The following MYO1H variants were observed in gnomAD, a reference collection of about 807,000 sequenced individuals.
The protein encoded by MYO1H is unconventional myosin-Ih.
A neutral mutation model predicts 149.3 loss-of-function variants in MYO1H; 118 were observed. The ratio of observed to expected loss-of-function variants is 0.79; its 90% CI spans 0.68 to 0.92. The LOEUF is 0.92. Among genes scored for constraint, MYO1H ranks in the 40% least tolerant of loss-of-function variants. The pLI is 0.00. For synonymous variants in MYO1H, 447 were observed against 465.2 expected, an observed-to-expected ratio of 0.96 and a Z score of 0.50; for missense variants, 1,212 against 1,280.7, an observed-to-expected ratio of 0.95 and a Z score of 0.82.
chr12:109,371,213 C>CTTTTTTTT (rs34350111), intron 1 of MYO1H, among the ~76,000 whole-genome samples: 3 of 118,332 alleles, frequency 2.5e-5, no homozygotes, highest in Admixed American at 9.9e-5. Context: ...TTTTTTCTTT[C>CTTTTTTTT]TTTTTTTTTT....
chr12:109,359,247 A>C (rs1868687372), intron 1 of MYO1H: 1 of 152,074 alleles, frequency 6.6e-6, no homozygotes, highest in Admixed American at 6.6e-5. Flanking sequence ...ACCCTTCTTG[A>C]CGATATTCTT....
chr12:109,390,589 T>C (rs1258725204), intron 2 of MYO1H, among the ~76,000 whole-genome samples: 2 of 152,064 alleles, frequency 1.3e-5, no homozygotes, highest in African/African-American at 4.8e-5. Context: ...TCTAGGAATA[T>C]AAGTGCCAGT....
intron 16 of MYO1H, among the ~76,000 whole-genome samples, chr12:109,423,169 T>C (rs1348287859): frequency 6.6e-6 from 1 of 152,164 alleles, no homozygotes; most frequent in East Asian, 1.9e-4. Context: ...TATTTATTTA[T>C]TATTTTTGAG....
At chr12:109,445,513 T>C in exon 31 of MYO1H, 1 of 1,606,436 alleles carries the variant, frequency 6.2e-7, no homozygotes, top group Non-Finnish European at 8.5e-7. Context: ...GTATTTTAAG[T>C]TTACAGTTTT....
the MYO1H span, among the ~76,000 whole-genome samples, chr12:109,320,044 T>A: frequency 1.3e-5 from 2 of 151,184 alleles, no homozygotes; most frequent in African/African-American, 4.9e-5. Flanking sequence ...CCAGGCATAG[T>A]GGTTTATGCC....
chr12:109,368,953 G>A (rs1046205339), intron 1 of MYO1H, among the ~76,000 whole-genome samples: 4 of 151,928 alleles, frequency 2.6e-5, no homozygotes, highest in African/African-American at 4.8e-5. Flanking sequence ...GGTAATGGCC[G>A]GTAGCTGCAT....
chr12:109,333,348 A>G, the MYO1H span, among the ~76,000 whole-genome samples: 1 of 151,900 alleles, frequency 6.6e-6, no homozygotes, highest in Non-Finnish European at 1.5e-5. Context: ...TGTTACCTAG[A>G]GGCCTGAGGG....
intron 17 of MYO1H, among the ~76,000 whole-genome samples, 190 bp from the exon 18 acceptor site, chr12:109,425,756 G>T (rs1871329932): frequency 6.6e-6 from 1 of 152,164 alleles, no homozygotes; most frequent in Non-Finnish European, 1.5e-5. Context: ...ACCAGACCAA[G>T]ACTGGCCTTC....
chr12:109,409,070 C>T (rs991933366), intron 10 of MYO1H, among the ~76,000 whole-genome samples: 2 of 151,946 alleles, frequency 1.3e-5, no homozygotes, highest in Admixed American at 6.6e-5. Flanking sequence ...GGATTGCAGG[C>T]GTGAGCCACC....
chr12:109,432,955 G>A (rs760695122), exon 20 of MYO1H: 33 of 1,613,910 alleles, frequency 2.0e-5, no homozygotes, highest in South Asian at 1.2e-4. Flanking sequence ...AGCAGAGGGC[G>A]TGGAACGGCT....
At chr12:109,369,388 C>T (rs898091449) in intron 1 of MYO1H, among the ~76,000 whole-genome samples, 2 of 152,106 alleles carry the variant, frequency 1.3e-5, no homozygotes, top group African/African-American at 4.8e-5. Flanking sequence ...TGGATAAATA[C>T]AAAAACCAAA....
At chr12:109,375,146 T>A (rs1258969287) in intron 1 of MYO1H, among the ~76,000 whole-genome samples, 1 of 147,226 alleles carries the variant, frequency 6.8e-6, no homozygotes. Context: ...TAAGCCACCA[T>A]GCCCGGCGGA....
chr12:109,387,364 A>G (rs1009879786), intron 1 of MYO1H, among the ~76,000 whole-genome samples: 5 of 152,166 alleles, frequency 3.3e-5, no homozygotes, highest in Non-Finnish European at 5.9e-5. Context: ...ACACAGTCTT[A>G]TTCTAGCTTT....
chr12:109,318,981 T>TTTTTTTG, the MYO1H span, among the ~76,000 whole-genome samples: 689 of 49,664 alleles, frequency 0.014, 26 homozygotes, highest in African/African-American at 0.046. Context: ...TGTTTTTTTT[T>TTTTTTTG]TTTTTTTTTT....
intron 1 of MYO1H, among the ~76,000 whole-genome samples, chr12:109,382,703 A>C (rs992528619): frequency 6.6e-6 from 1 of 151,852 alleles, no homozygotes; most frequent in Non-Finnish European, 1.5e-5. Flanking sequence ...TTACCTCGAA[A>C]TAATCCAGTG....
exon 28 of MYO1H, chr12:109,443,633 G>A: frequency 1.2e-6 from 2 of 1,613,252 alleles, no homozygotes; most frequent in South Asian, 2.2e-5. Context: ...AGAAAATAGA[G>A]TACTCAGCTC....
chr12:109,368,078 G>A (rs1349557174), intron 1 of MYO1H, among the ~76,000 whole-genome samples: 4 of 152,158 alleles, frequency 2.6e-5, no homozygotes, highest in Non-Finnish European at 4.4e-5. Flanking sequence ...TCTTGACCTA[G>A]CAATTCCTCC....
intron 1 of MYO1H, among the ~76,000 whole-genome samples, chr12:109,379,007 G>A (rs1869145349): frequency 6.6e-6 from 1 of 152,170 alleles, no homozygotes; most frequent in Non-Finnish European, 1.5e-5. Context: ...ATTCCTTACT[G>A]TCCTTTGAAT....
intron 17 of MYO1H, 111 bp from the exon 18 acceptor site, chr12:109,425,835 G>A (rs1466300369): frequency 2.6e-6 from 2 of 778,078 alleles, no homozygotes; most frequent in South Asian, 3.1e-5. Flanking sequence ...TCTGTCAATA[G>A]TTCAGCTCTA....
Sources: allele counts gnomAD v4.1 joint callset (sites outside exome capture counted in the v4.1 genomes callset), GRCh38; gene constraint gnomAD v4.1.1; transcripts MANE v1.5; gene names NCBI Gene and HGNC (gene_info 2026-07-23, HGNC 2026-07-21).